The following PSORS1C1 variants were observed in gnomAD, a reference collection of about 807,000 sequenced individuals.
PSORS1C1 encodes psoriasis susceptibility 1 candidate 1, also known as psoriasis susceptibility 1 candidate gene 1 protein.
A neutral mutation model predicts 9.4 loss-of-function variants in PSORS1C1; 7 were observed. That is an observed-to-expected ratio of 0.75 (90% CI 0.42 to 1.40). The LOEUF is 1.40. PSORS1C1 is among the 40% of genes most tolerant of loss of function. The pLI is 0.01. For synonymous variants in PSORS1C1, 63 were observed against 69.4 expected, an observed-to-expected ratio of 0.91 and a Z score of 0.46; for missense variants, 146 against 178.1, an observed-to-expected ratio of 0.82 and a Z score of 1.02.
At chr6:31,117,737 T>C in intron 1 of PSORS1C1, 1 of 597,746 alleles carries the variant, frequency 1.7e-6, no homozygotes, top group Non-Finnish European at 3.0e-6. Context: ...TTGGGAAGGG[T>C]GGGCAAACAC....
chr6:31,130,303 A>C lies in PSORS1C1; in HGVS notation c.13+658A>C, dbSNP rs566480371. On this transcript the variant is annotated intron_variant, in intron 3 of 5. Coordinates refer to ENST00000259881, the MANE Select transcript of PSORS1C1 (RefSeq NM_014068.3). ...GAGACAGCTCTGTCATCCAAGCTGG[A>C]GTGCAGTGGTGCAATCATATCTCAC... Among the ~76,000 whole-genome samples the C allele has an allele frequency of 2.2e-4, 33 of 150,630 alleles. No individual in the cohort carries two copies. In the East Asian group the frequency reaches 6.1e-3, roughly 28 times the overall value.
At chr6:31,124,292 G>A (rs1326949687) in intron 1 of PSORS1C1, among the ~76,000 whole-genome samples, 1 of 152,156 alleles carries the variant, frequency 6.6e-6, no homozygotes, top group East Asian at 1.9e-4. Flanking sequence ...TCCATAAAGA[G>A]GAGGCTTGGG....
chr6:31,114,804 T>C lies in PSORS1C1; in HGVS notation c.-316T>C, dbSNP rs141910504. On this transcript the variant is annotated 5_prime_UTR_variant, in exon 1 of 6. Coordinates refer to ENST00000259881, the MANE Select transcript of PSORS1C1 (RefSeq NM_014068.3). ...GCTGACAGGAATCTGGTTGGAGTTG[T>C]TGTGTCCCAGCCTTCCCAAGCTTCC... 224 of 453,042 alleles carry C rather than the reference T, an allele frequency of 4.9e-4. 2 individuals carry two copies. Among genetic ancestry groups the C allele is most frequent in the East Asian group, 3.1e-3 (45 of 14,362 alleles). 28.1% of individuals were successfully genotyped at this position (453,042 alleles called of 1,614,324 possible).
In PSORS1C1 at chr6:31,140,005, G is replaced by A; in HGVS notation, c.*73G>A. 2 of 1,409,546 alleles carry A rather than the reference G, an allele frequency of 1.4e-6. No homozygotes were observed. The highest frequency in any genetic ancestry group is 2.0e-6 in the Non-Finnish European group (2 of 1,016,446). The allele number at this position is 1,409,546 out of a possible 1,614,324, so 87.3% of individuals were successfully genotyped here. A position where few individuals can be genotyped will look rare whatever the true frequency, so the allele number is the denominator to read the frequency against. On this transcript the variant is annotated 3_prime_UTR_variant, in exon 6 of 6. Coordinates refer to ENST00000259881, the MANE Select transcript of PSORS1C1 (RefSeq NM_014068.3). The surrounding 1 kb of genome is among the most constrained non-coding windows in gnomAD (Gnocchi z 4.6). ...CTGGAAGTCTGTTAGCCTTTCAGAA[G>A]TAACATGTCCAAAATAAAATTTGAT...
rs563469150 is a variant in PSORS1C1 at position 31,138,744 on chromosome 6, C to G, written c.132C>G (p.Asp44Glu). The G allele has an allele frequency of 9.3e-6, 15 of 1,614,116 alleles. No homozygotes were observed. Among genetic ancestry groups the G allele is most frequent in the Non-Finnish European group, 1.3e-5 (15 of 1,180,016 alleles). Residue 44 changes from aspartate to glutamate, a missense_variant, in exon 5 of 6, where the codon GAC becomes GAG. Asp to Glu is a conservative substitution (Grantham distance 45). Coordinates refer to ENST00000259881, the MANE Select transcript of PSORS1C1 (RefSeq NM_014068.3). ...CTCGTCCCCCCCACGTTAATCCTGACCGACTTTGCCACATGGAGCCAGCAA... is the reference window on the plus strand; with the variant it reads ...CTCGTCCCCCCCACGTTAATCCTGAGCGACTTTGCCACATGGAGCCAGCAA... ...EETRPPHVNPDRLCHMEPANH... is the reference protein window; with the variant it reads ...EETRPPHVNPERLCHMEPANH...
chr6:31,123,383 G>A (rs920302132), intron 1 of PSORS1C1, among the ~76,000 whole-genome samples: 13 of 152,250 alleles, frequency 8.5e-5, no homozygotes, highest in African/African-American at 2.9e-4. Context: ...AGTGCAGGTG[G>A]TGGAGACCTA....
chr6:31,119,499 A>C (rs9263669), intron 1 of PSORS1C1, among the ~76,000 whole-genome samples: 8,037 of 152,292 alleles, frequency 0.053, 304 homozygotes, highest in South Asian at 0.12. Context: ...GCTGCCTTCT[A>C]ATGCATGATC....
chr6:31,135,604 T>TGCCATAGAA (rs1189813660), intron 3 of PSORS1C1, among the ~76,000 whole-genome samples: 2 of 152,224 alleles, frequency 1.3e-5, no homozygotes, highest in African/African-American at 4.8e-5. Context: ...TTGAATATAA[T>TGCCATAGAA]GCCATAGAAC....
chr6:31,127,160 C>T (rs552410922), intron 2 of PSORS1C1, among the ~76,000 whole-genome samples: 14 of 152,248 alleles, frequency 9.2e-5, no homozygotes, highest in Non-Finnish European at 1.8e-4. Flanking sequence ...AACGTGCTCT[C>T]GGGAGAGGAG....
Position 31,115,074 on chromosome 6 carries a change from G to T in PSORS1C1, c.-229+183G>T. ...GGGAAATGGCGGAAGGATCTGGGAG[G>T]CCAGGCAATCTCTGCTTTCAGTTCA... On this transcript the variant is annotated intron_variant, in intron 1 of 5. Transcript: ENST00000259881. The surrounding 1 kb of genome is among the most constrained non-coding windows in gnomAD (Gnocchi z 4.2). 1 of 357,032 alleles carries T rather than the reference G, an allele frequency of 2.8e-6. No homozygotes were observed. 22.1% of individuals were successfully genotyped at this position (357,032 alleles called of 1,614,324 possible).
chr6:31,132,470 T>C (rs11755601), intron 3 of PSORS1C1, among the ~76,000 whole-genome samples: 33,298 of 144,130 alleles, frequency 0.23, 4,203 homozygotes, highest in African/African-American at 0.35. Context: ...TGCAGTGGGC[T>C]GAGATCACAC....
At chr6:31,116,400 G>A in intron 1 of PSORS1C1, 1 of 1,598,736 alleles carries the variant, frequency 6.3e-7, no homozygotes. Context: ...CGGAGCTGCT[G>A]GAAATGCTAG....
rs541252393 is a variant in PSORS1C1, at chr6:31,132,709, G to A, written c.13+3064G>A. Among the ~76,000 whole-genome samples, 7 of 152,206 alleles carry A rather than the reference G, an allele frequency of 4.6e-5. 1 individual carries two copies. Among genetic ancestry groups the A allele is most frequent in the African/African-American group, 1.7e-4 (7 of 41,542 alleles). Reference sequence around the variant, plus strand: ...TGCAAGAAATTAAAAAATTAGCCCAGTGAGTGGAGTGCATCTATAGTACCA... The same window carrying A: ...TGCAAGAAATTAAAAAATTAGCCCAATGAGTGGAGTGCATCTATAGTACCA... On this transcript the variant is annotated intron_variant, in intron 3 of 5. Coordinates refer to ENST00000259881, the MANE Select transcript of PSORS1C1 (RefSeq NM_014068.3).
intron 1 of PSORS1C1, 79 bp downstream of exon 1, chr6:31,114,970 C>T (rs1470855869): frequency 4.5e-6 from 2 of 443,766 alleles, no homozygotes; most frequent in Non-Finnish European, 4.5e-6. Flanking sequence ...ACACTGAGGG[C>T]CCTAAATAAG....
intron 1 of PSORS1C1, chr6:31,117,646 GT>G (rs1343419109): frequency 3.6e-6 from 3 of 837,962 alleles, no homozygotes; most frequent in Non-Finnish European, 5.9e-6. Flanking sequence ...CGCAGGGAGA[GT>G]TTAGGGATGG....
At chr6:31,133,411 C>T (rs1447196697) in intron 3 of PSORS1C1, 1 of 152,240 alleles carries the variant, frequency 6.6e-6, no homozygotes, top group Non-Finnish European at 1.5e-5. Flanking sequence ...CACATACGCG[C>T]AAGGGCTGGT....
At chr6:31,137,179 G>A (rs9263724) in intron 3 of PSORS1C1, among the ~76,000 whole-genome samples, 48,774 of 149,712 alleles carry the variant, frequency 0.33, 8,282 homozygotes, top group Non-Finnish European at 0.38. Context: ...GAAAGAGGCC[G>A]GGCGCTGTGG....
intron 1 of PSORS1C1, chr6:31,120,421 T>A: frequency 6.3e-7 from 1 of 1,579,380 alleles, no homozygotes. Flanking sequence ...CGAGCCCATC[T>A]CGGACTGCAC....
chr6:31,115,205 T>C lies in PSORS1C1; in HGVS notation c.-229+314T>C. On this transcript the variant is annotated intron_variant, in intron 1 of 5. Transcript: ENST00000259881. This position sits in a 1 kb window ranked among gnomAD's most constrained non-coding sequence, Gnocchi z 4.2. Reference sequence around the variant, plus strand: ...AGGAACACAGAGACCTCTAGAGGCGTAGGAAGAGCACCACCCAGACTCTCA... The same window carrying C: ...AGGAACACAGAGACCTCTAGAGGCGCAGGAAGAGCACCACCCAGACTCTCA... 3.3e-6 allele frequency: 1 copy of C among 302,320 alleles called. No individual in the cohort carries two copies. The highest frequency in any genetic ancestry group is 3.0e-5 in the South Asian group (1 of 33,792). 18.7% of individuals were successfully genotyped at this position (302,320 alleles called of 1,614,324 possible).
Sources: gnomAD v4.1 joint callset for allele counts (sites outside exome capture counted in the v4.1 genomes callset) on GRCh38, gnomAD v4.1.1 for gene constraint, Gnocchi (gnomAD v3.1) non-coding constraint, MANE v1.5 for transcripts, NCBI Gene and HGNC (gene_info 2026-07-23, HGNC 2026-07-21) for gene names.